DIP2B: variants seen among roughly 807,000 people sequenced by gnomAD.
DIP2B encodes disco-interacting protein 2 homolog B.
Under a neutral mutation model 198.0 loss-of-function variants are expected in DIP2B, and 76 were observed. The ratio of observed to expected loss-of-function variants is 0.38; its 90% CI spans 0.32 to 0.46. The LOEUF (loss-of-function observed/expected upper bound fraction) is 0.46, where lower values mean the gene tolerates loss of function less well. Among genes scored for constraint, DIP2B ranks in the 20% least tolerant of loss-of-function variants. DIP2B has a pLI of 0.99. For missense variants in DIP2B, 1,559 were observed against 1,978.4 expected, an observed-to-expected ratio of 0.79 and a Z score of 4.02; for synonymous variants, 701 against 739.1, an observed-to-expected ratio of 0.95 and a Z score of 0.84.
rs139052228 is a variant in DIP2B at position 50,598,559 on chromosome 12, G to A, written c.101-27417G>A. ...CCAAATTCCTCGTGACTGCCACTGC[G>A]TCATCTCTCTGGTCATCTATAAATG... On this transcript the variant is annotated intron_variant, in intron 1 of 37. Coordinates refer to ENST00000301180, the MANE Select transcript of DIP2B (RefSeq NM_173602.3). Among the ~76,000 whole-genome samples, 9 of 151,878 alleles carry A rather than the reference G, an allele frequency of 5.9e-5. No homozygotes were observed. The East Asian group carries it at 9.7e-4, about 16-fold the overall frequency.
In DIP2B at chr12:50,737,099, C is replaced by T; in HGVS notation, c.4165C>T (p.His1389Tyr). The change falls in exon 35 of 38, where the codon CAC becomes TAC. Residue 1389 changes from histidine to tyrosine, a missense_variant. Coordinates refer to ENST00000301180, the MANE Select transcript of DIP2B (RefSeq NM_173602.3). Reference protein sequence around the residue: ...PETKGPVGDSHLGEIWVNSPH... With the variant: ...PETKGPVGDSYLGEIWVNSPH... ...GACCAAAGGGCCGGTTGGAGACTCT[C>T]ACCTTGGAGAGGTTTGTAATAATTT... is the stretch of plus-strand genomic sequence containing the variant. 6.2e-7 allele frequency: 1 copy of T among 1,613,948 alleles called. No homozygotes were observed. The highest frequency in any genetic ancestry group is 1.7e-5 in the Admixed American group (1 of 59,996).
At chr12:50,620,565 C>G (rs1358773304) in intron 1 of DIP2B, among the ~76,000 whole-genome samples, 1 of 152,130 alleles carries the variant, frequency 6.6e-6, no homozygotes, top group Non-Finnish European at 1.5e-5. Context: ...TCCTGCCAAG[C>G]GCTGCAGGCA....
At chr12:50,722,608 A>G (rs1939859850) in intron 26 of DIP2B, among the ~76,000 whole-genome samples, 1 of 152,124 alleles carries the variant, frequency 6.6e-6, no homozygotes, top group Non-Finnish European at 1.5e-5. Context: ...GATTTCGTAG[A>G]AGATCATGTG....
chr12:50,636,164 T>C (rs549377825), intron 2 of DIP2B, among the ~76,000 whole-genome samples: 23 of 152,354 alleles, frequency 1.5e-4, no homozygotes, highest in Admixed American at 5.2e-4. Context: ...AACCAGTTTT[T>C]GAAATCAGGA....
chr12:50,592,462 T>A (rs1177847353), intron 1 of DIP2B, among the ~76,000 whole-genome samples: 2 of 152,000 alleles, frequency 1.3e-5, no homozygotes, highest in Non-Finnish European at 2.9e-5. Flanking sequence ...GGGCCTTAAC[T>A]TTTAGATTAT....
chr12:50,617,420 G>A (rs933257364), intron 1 of DIP2B, among the ~76,000 whole-genome samples: 1 of 151,804 alleles, frequency 6.6e-6, no homozygotes, highest in Non-Finnish European at 1.5e-5. Context: ...CTCCCAAAGT[G>A]CTGGGATTAC....
intron 1 of DIP2B, among the ~76,000 whole-genome samples, chr12:50,533,996 A>G (rs1402104371): frequency 6.6e-6 from 1 of 152,176 alleles, no homozygotes; most frequent in Non-Finnish European, 1.5e-5. Flanking sequence ...GATAGTTGGA[A>G]CTTGGTATTA....
chr12:50,603,089 G>A (rs1203293445), intron 1 of DIP2B, among the ~76,000 whole-genome samples: 1 of 151,668 alleles, frequency 6.6e-6, no homozygotes. Context: ...GCGTGAACCC[G>A]GGAGGTGGAG....
chr12:50,643,761 G>A (rs1938301957), intron 3 of DIP2B, among the ~76,000 whole-genome samples: 1 of 152,156 alleles, frequency 6.6e-6, no homozygotes, highest in South Asian at 2.1e-4. Context: ...CACTCAGGGA[G>A]GCCGAGGCAG....
chr12:50,742,652 T>C (rs1441180766), intron 37 of DIP2B, among the ~76,000 whole-genome samples: 1 of 152,112 alleles, frequency 6.6e-6, no homozygotes, highest in Non-Finnish European at 1.5e-5. Flanking sequence ...TCCCAGCACT[T>C]TGGGAGGCTG....
intron 1 of DIP2B, among the ~76,000 whole-genome samples, chr12:50,608,139 A>G (rs1248554809): frequency 3.9e-5 from 6 of 152,206 alleles, no homozygotes; most frequent in African/African-American, 1.4e-4. Flanking sequence ...AACAATTAGC[A>G]AATTAGTATT....
chr12:50,677,242 C>T (rs1475577371), intron 7 of DIP2B, among the ~76,000 whole-genome samples: 1 of 152,122 alleles, frequency 6.6e-6, no homozygotes, highest in Non-Finnish European at 1.5e-5. Context: ...CTAGCCTTAG[C>T]GCTGAGTCTG....
rs929016382 is a variant in DIP2B at position 50,747,924 on chromosome 12, C to T, written c.*3085C>T. 4 of 152,286 alleles carry T rather than the reference C, an allele frequency of 2.6e-5. No individual in the cohort carries two copies. Among genetic ancestry groups the T allele is most frequent in the South Asian group, 2.1e-4 (1 of 4,826 alleles). 9.4% of individuals were successfully genotyped at this position (152,286 alleles called of 1,614,324 possible). ...GCATGCTAATCAGTGTCAGTGAATC[C>T]ACAGTCTTTACTTCCTGCCTCATAA... On this transcript the variant is annotated 3_prime_UTR_variant, in exon 38 of 38. Coordinates refer to ENST00000301180, the MANE Select transcript of DIP2B (RefSeq NM_173602.3).
chr12:50,614,796 C>G (rs1019785706), intron 1 of DIP2B, among the ~76,000 whole-genome samples: 6 of 152,170 alleles, frequency 3.9e-5, no homozygotes, highest in Admixed American at 2.0e-4. Flanking sequence ...TTGGAAAAAC[C>G]CTTTTCCACT....
At position 50,697,533 on chromosome 12, in the gene DIP2B, C is replaced by CTTTTTT. The variant is rs11306905; in HGVS notation, c.2048+380_2048+385dup. 1.7e-4 allele frequency among the ~76,000 whole-genome samples: 8 copies of CTTTTTT among 45,958 alleles called. 2 individuals are homozygous for CTTTTTT. The highest frequency in any genetic ancestry group is 2.4e-3 in the South Asian group (2 of 844). 30.2% of individuals were successfully genotyped at this position (45,958 alleles called of 152,430 possible). On this transcript the variant is annotated intron_variant, in intron 17 of 37. Transcript: ENST00000301180. ...ATGTGTGTGTGTGTATATAGATATA[C>CTTTTTT]TTTTTTTTTTTTTTTTTTTTTTTTT...
At chr12:50,516,820 C>G (rs1958070010) in intron 1 of DIP2B, among the ~76,000 whole-genome samples, 1 of 151,706 alleles carries the variant, frequency 6.6e-6, no homozygotes, top group African/African-American at 2.4e-5. Flanking sequence ...ACTAAAAATG[C>G]AAAAATTAGC....
chr12:50,682,427 A>T (rs56818625), intron 9 of DIP2B, among the ~76,000 whole-genome samples: 9,619 of 152,126 alleles, frequency 0.063, 666 homozygotes, highest in East Asian at 0.32. Context: ...AGATCGATCG[A>T]GACCATCCTG....
At chr12:50,726,822 T>C (rs1310162457) in intron 28 of DIP2B, among the ~76,000 whole-genome samples, 1 of 152,096 alleles carries the variant, frequency 6.6e-6, no homozygotes, top group Non-Finnish European at 1.5e-5. Context: ...CTTAAAATTC[T>C]GCCAGGTTAG....
chr12:50,742,394 CAAAAAAAAA>C (rs59566626), intron 37 of DIP2B, among the ~76,000 whole-genome samples: 23 of 47,476 alleles, frequency 4.8e-4, no homozygotes, highest in Middle Eastern at 0.017. Flanking sequence ...GAGACTGTCT[CAAAAAAAAA>C]AAAAAAAAAA....
Sources: allele counts gnomAD v4.1 joint callset (sites outside exome capture counted in the v4.1 genomes callset), GRCh38; gene constraint gnomAD v4.1.1; transcripts MANE v1.5; gene names NCBI Gene and HGNC (gene_info 2026-07-23, HGNC 2026-07-21).